CLVS1: variants seen among roughly 807,000 people sequenced by gnomAD.
CLVS1 encodes clavesin 1, also known as clavesin-1.
Under a neutral mutation model 33.1 loss-of-function variants are expected in CLVS1, and 10 were observed. The observed-to-expected ratio is 0.30, with a 90% CI of 0.19 to 0.51. The LOEUF is 0.51. Ranked by LOEUF, CLVS1 falls within the 20% of genes least tolerant of loss-of-function variation. The pLI, the probability that CLVS1 is intolerant of heterozygous loss-of-function variation, is 0.97. For missense variants in CLVS1, 343 were observed against 433.4 expected, an observed-to-expected ratio of 0.79 and a Z score of 1.85; for synonymous variants, 163 against 166.1, an observed-to-expected ratio of 0.98 and a Z score of 0.14.
chr8:61,462,867 T>C (rs115205858), intron 5 of CLVS1, among the ~76,000 whole-genome samples: 200 of 152,314 alleles, frequency 1.3e-3, no homozygotes, highest in African/African-American at 4.7e-3. Context: ...AGTCACCAGC[T>C]GCATTAGCGC....
chr8:61,173,548 C>T (rs1807051794), intron 2 of CLVS1, among the ~76,000 whole-genome samples: 1 of 152,132 alleles, frequency 6.6e-6, no homozygotes, highest in African/African-American at 2.4e-5. Flanking sequence ...GGTTCTGTCA[C>T]TGTTATTGTT....
At chr8:61,035,049 A>G in the CLVS1 span, among the ~76,000 whole-genome samples, 1 of 152,238 alleles carries the variant, frequency 6.6e-6, no homozygotes, top group Non-Finnish European at 1.5e-5. Context: ...TTATTCAAAA[A>G]TTAGCTTATC....
chr8:61,049,677 C>T, the CLVS1 span, among the ~76,000 whole-genome samples: 3 of 152,184 alleles, frequency 2.0e-5, no homozygotes, highest in African/African-American at 7.2e-5. Context: ...CGCAAAGACA[C>T]ATGATTACAC....
At chr8:61,495,632 C>T (rs1408644715) in intron 5 of CLVS1, among the ~76,000 whole-genome samples, 10 of 152,110 alleles carry the variant, frequency 6.6e-5, no homozygotes, top group Non-Finnish European at 1.5e-5. Context: ...CAACCATGTA[C>T]CTTTGAGATG....
At chr8:61,253,387 C>A (rs897237706) in intron 2 of CLVS1, among the ~76,000 whole-genome samples, 1 of 152,178 alleles carries the variant, frequency 6.6e-6, no homozygotes, top group Non-Finnish European at 1.5e-5. Flanking sequence ...GTGAATCTGA[C>A]AATTATACGT....
In CLVS1 at chr8:61,501,337, A is replaced by C. The variant is rs1049612541; in HGVS notation, c.*1795A>C. ...GACAACACTTTGCAACAGTAATACC[A>C]TTTCTAGCTTTTCAATTGGCAATAC... is the stretch of plus-strand genomic sequence containing the variant. On this transcript the variant is annotated 3_prime_UTR_variant, in exon 6 of 6. Transcript: ENST00000325897. 17 of 152,172 alleles carry C rather than the reference A, an allele frequency of 1.1e-4. No homozygotes were observed. Among genetic ancestry groups the C allele is most frequent in the African/African-American group, 3.9e-4 (16 of 41,462 alleles). 9.4% of individuals were successfully genotyped at this position (152,172 alleles called of 1,614,324 possible).
At chr8:61,416,509 C>A (rs915422931) in intron 3 of CLVS1, among the ~76,000 whole-genome samples, 4 of 152,144 alleles carry the variant, frequency 2.6e-5, no homozygotes, top group African/African-American at 9.7e-5. Context: ...ATGTAAAACA[C>A]CCTATTGAGT....
chr8:61,248,598 A>G (rs1247870587), intron 2 of CLVS1, among the ~76,000 whole-genome samples: 1 of 152,030 alleles, frequency 6.6e-6, no homozygotes, highest in African/African-American at 2.4e-5. Context: ...TTGGTTAAAA[A>G]TACTTTTTTG....
intron 2 of CLVS1, among the ~76,000 whole-genome samples, chr8:61,273,665 C>G (rs1370366950): frequency 1.3e-5 from 2 of 152,200 alleles, no homozygotes; most frequent in Non-Finnish European, 2.9e-5. Context: ...TAGGACCCTC[C>G]GAGCCAGGTG....
chr8:60,984,543 G>A, the CLVS1 span, among the ~76,000 whole-genome samples: 1 of 152,018 alleles, frequency 6.6e-6, no homozygotes, highest in South Asian at 2.1e-4. Context: ...GGCCAGGCTG[G>A]TCTCGAACTC....
intron 3 of CLVS1, among the ~76,000 whole-genome samples, chr8:61,388,803 T>A (rs1814185179): frequency 6.6e-6 from 1 of 152,126 alleles, no homozygotes; most frequent in Admixed American, 6.5e-5. Context: ...TCTAGCTATT[T>A]GAAAATATAT....
intron 2 of CLVS1, among the ~76,000 whole-genome samples, chr8:61,331,941 A>T (rs773000737): frequency 6.6e-6 from 1 of 151,898 alleles, no homozygotes. Context: ...CTGACAAATC[A>T]TCCCTTGGAT....
chr8:61,450,058 G>T (rs891597689), intron 3 of CLVS1, among the ~76,000 whole-genome samples: 1 of 152,186 alleles, frequency 6.6e-6, no homozygotes, highest in Non-Finnish European at 1.5e-5. Flanking sequence ...CCCTCAAGAG[G>T]ACACCTTTTT....
At chr8:61,211,808 CTTA>C (rs1259246011) in intron 2 of CLVS1, among the ~76,000 whole-genome samples, 1 of 152,036 alleles carries the variant, frequency 6.6e-6, no homozygotes, top group Non-Finnish European at 1.5e-5. Context: ...TATAGGGGTT[CTTA>C]TTATAGGAGG....
intron 2 of CLVS1, among the ~76,000 whole-genome samples, chr8:61,321,776 T>G (rs1811202027): frequency 2.6e-5 from 4 of 152,144 alleles, no homozygotes; most frequent in Non-Finnish European, 4.4e-5. Context: ...TTTCAAATAT[T>G]TTCTCTTGTT....
chr8:61,061,356 T>C (rs1804580698), intron 1 of CLVS1, among the ~76,000 whole-genome samples: 1 of 152,166 alleles, frequency 6.6e-6, no homozygotes, highest in Admixed American at 6.5e-5. Context: ...TAACATTGCC[T>C]GATTAGTTCC....
intron 2 of CLVS1, among the ~76,000 whole-genome samples, chr8:61,156,179 AT>A (rs35045735): frequency 0.77 from 108,599 of 140,708 alleles, 42,802 homozygotes; most frequent in Middle Eastern, 0.92. Context: ...GCGCCATTGC[AT>A]TTCCAGCCTG....
chr8:61,490,689 T>C (rs986435035), intron 5 of CLVS1, among the ~76,000 whole-genome samples: 26 of 148,416 alleles, frequency 1.8e-4, no homozygotes, highest in Non-Finnish European at 3.1e-4. Context: ...AAATCGGCTT[T>C]GGCTCATGTC....
At chr8:61,056,237 A>C (rs1277949317), upstream of CLVS1, among the ~76,000 whole-genome samples, 1 of 152,200 alleles carries the variant, frequency 6.6e-6, no homozygotes, top group Non-Finnish European at 1.5e-5. Flanking sequence ...AAGTTCTTAC[A>C]CCAAAGGTAT....
Sources: gnomAD v4.1 joint callset for allele counts (sites outside exome capture counted in the v4.1 genomes callset) on GRCh38, gnomAD v4.1.1 for gene constraint, MANE v1.5 for transcripts, NCBI Gene and HGNC (gene_info 2026-07-23, HGNC 2026-07-21) for gene names.